RNF13: variants seen among roughly 807,000 people sequenced by gnomAD.
RNF13 encodes ring finger protein 13.
Under a neutral mutation model 37.7 loss-of-function variants are expected in RNF13, and 19 were observed. That is an observed-to-expected ratio of 0.50 (90% CI 0.35 to 0.74). The LOEUF is 0.74. Among genes scored for constraint, RNF13 ranks in the 30% least tolerant of loss-of-function variants. The pLI is 0.01. For synonymous variants in RNF13, 144 were observed against 157.8 expected (o/e 0.91, Z 0.65); for missense variants, 375 against 453.0 (o/e 0.83, Z 1.56).
At chr3:149,857,861 G>T (rs1293513993) in intron 3 of RNF13, among the ~76,000 whole-genome samples, 1 of 152,080 alleles carries the variant, frequency 6.6e-6, no homozygotes, top group East Asian at 1.9e-4. Context: ...TTTGGATATG[G>T]TTTTTTTGTC....
In RNF13 at chr3:149,872,044, T is replaced by G. The variant is rs1438885279; in HGVS notation, c.211T>G (p.Ser71Ala). ...AEGLKGFLIN[S>A]KPENACEPIV... ...TCTTTTTCAGGGTTTTTTGATTAACTCAAAACCAGAGAATGCCTGTGAACC... is the reference window on the plus strand; with the variant it reads ...TCTTTTTCAGGGTTTTTTGATTAACGCAAAACCAGAGAATGCCTGTGAACC... The change falls in exon 4 of 10, where the codon TCA becomes GCA. Residue 71 changes from serine to alanine, a missense_variant. Coordinates refer to ENST00000392894, the MANE Select transcript of RNF13 (RefSeq NM_183381.3). 6.3e-7 allele frequency: 1 copy of G among 1,596,216 alleles called. No homozygotes were observed. Among genetic ancestry groups the G allele is most frequent in the Admixed American group, 1.8e-5 (1 of 54,388 alleles).
chr3:149,864,262 C>A (rs1235838006), intron 3 of RNF13, among the ~76,000 whole-genome samples: 1 of 151,650 alleles, frequency 6.6e-6, no homozygotes, highest in Non-Finnish European at 1.5e-5. Flanking sequence ...AAGAGTCTGG[C>A]CCCTCTCTTC....
intron 4 of RNF13, among the ~76,000 whole-genome samples, chr3:149,889,741 G>A (rs1454829002): frequency 2.1e-5 from 3 of 143,238 alleles, no homozygotes; most frequent in African/African-American, 7.9e-5. Flanking sequence ...TGCAACCTCT[G>A]ACTTCCGGGT....
chr3:149,867,232 C>G (rs2108431317), intron 3 of RNF13, among the ~76,000 whole-genome samples: 1 of 151,960 alleles, frequency 6.6e-6, no homozygotes, highest in South Asian at 2.1e-4. Flanking sequence ...GCAGAATTGA[C>G]CCCTTTATCA....
At chr3:149,846,339 G>A (rs752397304) in intron 2 of RNF13, among the ~76,000 whole-genome samples, 199 bp downstream of exon 2, 5 of 152,018 alleles carry the variant, frequency 3.3e-5, no homozygotes, top group African/African-American at 9.7e-5. Context: ...TTTCATTCTC[G>A]TTGCCCAGGC....
At chr3:149,860,270 A>ATATAT (rs1553756034) in intron 3 of RNF13, among the ~76,000 whole-genome samples, 33 of 104,094 alleles carry the variant, frequency 3.2e-4, no homozygotes, top group African/African-American at 1.1e-3. Context: ...AAAAAAAAAA[A>ATATAT]ATATATATAT....
At chr3:149,913,932 AG>A (rs1323104321) in intron 7 of RNF13, among the ~76,000 whole-genome samples, 1 of 152,190 alleles carries the variant, frequency 6.6e-6, no homozygotes, top group Admixed American at 6.5e-5. Flanking sequence ...CACTAACTAT[AG>A]CCCACCCTTA....
chr3:149,911,857 G>A, intron 6 of RNF13, 121 bp from the exon 7 acceptor site: 1 of 634,616 alleles, frequency 1.6e-6, no homozygotes, highest in Non-Finnish European at 2.8e-6. Context: ...TGAAATGTAT[G>A]TAGTGGATTT....
chr3:149,870,923 A>G (rs1254045956), intron 3 of RNF13, among the ~76,000 whole-genome samples: 1 of 151,640 alleles, frequency 6.6e-6, no homozygotes, highest in Non-Finnish European at 1.5e-5. Flanking sequence ...CATAGCTTTA[A>G]TTGCCTCCTT....
intron 3 of RNF13, among the ~76,000 whole-genome samples, chr3:149,861,701 A>C (rs1462233303): frequency 6.6e-6 from 1 of 152,130 alleles, no homozygotes; most frequent in Non-Finnish European, 1.5e-5. Context: ...AGAAGGTATA[A>C]GTTCTAATGT....
intron 3 of RNF13, among the ~76,000 whole-genome samples, chr3:149,867,440 G>A (rs1326357975): frequency 6.6e-6 from 1 of 151,240 alleles, no homozygotes; most frequent in Non-Finnish European, 1.5e-5. Flanking sequence ...TAATTTTTTT[G>A]TATTTTTAGT....
intron 1 of RNF13, among the ~76,000 whole-genome samples, chr3:149,815,674 G>A (rs549371676): frequency 6.6e-6 from 1 of 152,124 alleles, no homozygotes; most frequent in African/African-American, 2.4e-5. Context: ...ATATATAAAA[G>A]TAAAATATTA....
In RNF13 at chr3:149,945,684, C is replaced by T. The variant is rs140360268; in HGVS notation, c.701-14372C>T. On this transcript the variant is annotated intron_variant, in intron 8 of 9. Coordinates refer to ENST00000392894, the MANE Select transcript of RNF13 (RefSeq NM_183381.3). ...GCACCCCCCAGTAGGGGCAGACTGA[C>T]ACCCCACACGGCCAGGTACCCCTCT... Among the ~76,000 whole-genome samples the T allele has an allele frequency of 2.5e-3, 387 of 152,304 alleles. 1 individual carries two copies. Among genetic ancestry groups the T allele is most frequent in the African/African-American group, 8.7e-3 (362 of 41,564 alleles).
chr3:149,931,138 A>C lies in RNF13; in HGVS notation c.700+9911A>C, dbSNP rs372156748. ...GAGTGCAGTGGCACAACCATGGCTG[A>C]CTGCAGCCTCGACTTCCCAGGCTCA... On this transcript the variant is annotated intron_variant, in intron 8 of 9. Transcript: ENST00000392894. Among the ~76,000 whole-genome samples, 9 of 152,204 alleles carry C rather than the reference A, an allele frequency of 5.9e-5. No homozygotes were observed. The East Asian group carries it at 1.2e-3, about 20-fold the overall frequency.
intron 3 of RNF13, among the ~76,000 whole-genome samples, chr3:149,854,127 T>G (rs568297832): frequency 6.6e-6 from 1 of 152,172 alleles, no homozygotes; most frequent in Non-Finnish European, 1.5e-5. Context: ...TGAGCCACCG[T>G]GCCTAGCCAG....
rs145695756 is a variant in RNF13 at position 149,846,559 on chromosome 3, G to A, written c.114+419G>A. ...AACCTAAGGTGATCTTCCCGCCTTG[G>A]CCTCCCAAAGTGTTGGGATTACAGG... On this transcript the variant is annotated intron_variant, in intron 2 of 9. Transcript: ENST00000392894. Among the ~76,000 whole-genome samples the A allele has an allele frequency of 8.7e-3, 1,322 of 152,268 alleles. 12 individuals are homozygous for A. The highest frequency in any genetic ancestry group is 0.014 in the Non-Finnish European group (979 of 68,012).
At chr3:149,862,465 A>G (rs990333187) in intron 3 of RNF13, among the ~76,000 whole-genome samples, 7 of 152,026 alleles carry the variant, frequency 4.6e-5, no homozygotes. Flanking sequence ...TTTCCTATTT[A>G]TGTTATAAAA....
chr3:149,881,157 A>G (rs1304446373), intron 4 of RNF13, among the ~76,000 whole-genome samples: 1 of 152,246 alleles, frequency 6.6e-6, no homozygotes, highest in East Asian at 1.9e-4. Context: ...TCTGTGTAGC[A>G]GTGAAAACTG....
chr3:149,813,111 C>T (rs769128517), upstream of RNF13: 3 of 152,260 alleles, frequency 2.0e-5, no homozygotes, highest in Non-Finnish European at 4.4e-5. Flanking sequence ...CGAGACTCCG[C>T]GTGAGAGTGG....
Sources: gnomAD v4.1 joint callset for allele counts (sites outside exome capture counted in the v4.1 genomes callset) on GRCh38, gnomAD v4.1.1 for gene constraint, MANE v1.5 for transcripts, NCBI Gene and HGNC (gene_info 2026-07-23, HGNC 2026-07-21) for gene names.